Variants in FAM168A observed in about 807,000 individuals in gnomAD.
The protein encoded by FAM168A is protein FAM168A.
Under a neutral mutation model 28.5 loss-of-function variants are expected in FAM168A, and 3 were observed. The ratio of observed to expected loss-of-function variants is 0.11; its 90% CI spans 0.05 to 0.27. The LOEUF (loss-of-function observed/expected upper bound fraction) is 0.27, where lower values mean the gene tolerates loss of function less well. Among genes scored for constraint, FAM168A ranks in the 10% least tolerant of loss-of-function variants. The pLI is 1.00. For synonymous variants in FAM168A, 122 were observed against 124.2 expected, an observed-to-expected ratio of 0.98 and a Z score of 0.12; for missense variants, 222 against 311.5, an observed-to-expected ratio of 0.71 and a Z score of 2.16.
chr11:73,430,117 G>A (rs1331991881), intron 3 of FAM168A: 1 of 157,790 alleles, frequency 6.3e-6, no homozygotes, highest in African/African-American at 2.4e-5. Context: ...GCCCAAAATG[G>A]AATAAACCTT....
At chr11:73,575,592 G>A (rs73548693) in intron 1 of FAM168A, among the ~76,000 whole-genome samples, 11,648 of 152,184 alleles carry the variant, frequency 0.077, 547 homozygotes, top group Non-Finnish European at 0.11. Flanking sequence ...AGAAATGGCC[G>A]GGTGTGGTGG....
chr11:73,411,244 G>A (rs1866604564), intron 5 of FAM168A, 150 bp downstream of exon 5: 1 of 822,904 alleles, frequency 1.2e-6, no homozygotes. Context: ...GCAGACTGCA[G>A]GGATATTGCT....
chr11:73,470,107 T>C (rs531773943), intron 1 of FAM168A, among the ~76,000 whole-genome samples: 44 of 152,252 alleles, frequency 2.9e-4, no homozygotes, highest in Middle Eastern at 3.4e-3. Flanking sequence ...GACAGGGGTT[T>C]CACCGTGTTA....
Position 73,405,473 on chromosome 11 carries a change from A to T in FAM168A, c.*1290T>A, listed in dbSNP as rs1866488749. Reference sequence around the variant, plus strand: ...TAAGCAAGGTGCCCACTAGGTAGGAAGGCTGCATTTAATGCTAATTTACTG... The same window carrying T: ...TAAGCAAGGTGCCCACTAGGTAGGATGGCTGCATTTAATGCTAATTTACTG... On this transcript the variant is annotated 3_prime_UTR_variant, in exon 8 of 8. Transcript: ENST00000356467. The T allele has an allele frequency of 6.6e-6, 1 of 152,196 alleles. No individual in the cohort carries two copies. The highest frequency in any genetic ancestry group is 1.5e-5 in the Non-Finnish European group (1 of 68,030). 9.4% of individuals were successfully genotyped at this position (152,196 alleles called of 1,614,324 possible).
At chr11:73,538,227 G>A (rs1943606714) in intron 1 of FAM168A, among the ~76,000 whole-genome samples, 1 of 151,866 alleles carries the variant, frequency 6.6e-6, no homozygotes, top group African/African-American at 2.4e-5. Flanking sequence ...CTGCTGAATT[G>A]CATTATACTA....
At chr11:73,482,343 T>A (rs1867979423) in intron 1 of FAM168A, among the ~76,000 whole-genome samples, 1 of 151,852 alleles carries the variant, frequency 6.6e-6, no homozygotes, top group Non-Finnish European at 1.5e-5. Flanking sequence ...CCATAAATCA[T>A]CTTGATACTC....
chr11:73,590,582 C>T (rs1944369413), intron 1 of FAM168A, among the ~76,000 whole-genome samples: 1 of 152,144 alleles, frequency 6.6e-6, no homozygotes, highest in South Asian at 2.1e-4. Flanking sequence ...TTGTTGGTTT[C>T]CTTGGAGGAG....
chr11:73,474,494 G>C (rs1457729245), intron 1 of FAM168A, among the ~76,000 whole-genome samples: 2 of 151,990 alleles, frequency 1.3e-5, no homozygotes, highest in African/African-American at 4.8e-5. Flanking sequence ...CTCCTCAAAA[G>C]CCTGTTAAAC....
chr11:73,447,729 A>C (rs1867347749), intron 2 of FAM168A, among the ~76,000 whole-genome samples: 1 of 150,276 alleles, frequency 6.7e-6, no homozygotes, highest in Admixed American at 6.6e-5. Context: ...CTCCCTTTCT[A>C]ATCCCTCTCT....
intron 1 of FAM168A, among the ~76,000 whole-genome samples, chr11:73,533,433 C>T (rs1943539389): frequency 6.6e-6 from 1 of 152,074 alleles, no homozygotes; most frequent in South Asian, 2.1e-4. Context: ...GTCCCTAGGG[C>T]CTTACTCTTC....
At chr11:73,526,058 G>A (rs548339612) in intron 1 of FAM168A, among the ~76,000 whole-genome samples, 67 of 152,072 alleles carry the variant, frequency 4.4e-4, no homozygotes, top group African/African-American at 1.5e-3. Context: ...ATTTTCTTTG[G>A]TGCTCTAGGG....
chr11:73,462,879 A>AGAGAG (rs1367558470), intron 2 of FAM168A, among the ~76,000 whole-genome samples: 57 of 151,622 alleles, frequency 3.8e-4, no homozygotes, highest in African/African-American at 1.1e-3. Flanking sequence ...AGAGAAGAGA[A>AGAGAG]GAGAGGAGAG....
intron 1 of FAM168A, among the ~76,000 whole-genome samples, chr11:73,571,983 C>G (rs1236607046): frequency 6.6e-6 from 1 of 151,264 alleles, no homozygotes; most frequent in Non-Finnish European, 1.5e-5. Flanking sequence ...GCCCAGCCGC[C>G]CCGTCTGAGA....
chr11:73,484,823 G>A (rs1868032175), intron 1 of FAM168A, among the ~76,000 whole-genome samples: 1 of 151,470 alleles, frequency 6.6e-6, no homozygotes, highest in South Asian at 2.1e-4. Context: ...TGCAAGCTGA[G>A]GAGCAAGGAA....
chr11:73,413,605 G>C (rs1866652384), intron 4 of FAM168A, among the ~76,000 whole-genome samples: 1 of 152,202 alleles, frequency 6.6e-6, no homozygotes, highest in African/African-American at 2.4e-5. Context: ...AGATAAACCA[G>C]AGATAGACAT....
At chr11:73,541,372 C>T (rs76119277) in intron 1 of FAM168A, among the ~76,000 whole-genome samples, 1 of 142,854 alleles carries the variant, frequency 7.0e-6, no homozygotes, top group African/African-American at 2.6e-5. Context: ...GCCTAAACTT[C>T]TTTTTTTTTT....
intron 1 of FAM168A, among the ~76,000 whole-genome samples, chr11:73,556,180 A>G (rs1186569569): frequency 6.6e-6 from 1 of 151,332 alleles, no homozygotes; most frequent in Non-Finnish European, 1.5e-5. Flanking sequence ...CCCTGGTTCT[A>G]CCAAAAAAAA....
chr11:73,427,589 T>G (rs923844261), intron 3 of FAM168A, among the ~76,000 whole-genome samples: 3 of 152,148 alleles, frequency 2.0e-5, no homozygotes, highest in Non-Finnish European at 4.4e-5. Flanking sequence ...ATGTAACTTC[T>G]CTAAGCTTTA....
intron 1 of FAM168A, among the ~76,000 whole-genome samples, chr11:73,544,141 A>C (rs1398963678): frequency 6.6e-6 from 1 of 152,040 alleles, no homozygotes; most frequent in African/African-American, 2.4e-5. Flanking sequence ...CTTAAAAAAG[A>C]AAAAAAATAG....
Sources: allele counts gnomAD v4.1 joint callset (sites outside exome capture counted in the v4.1 genomes callset), GRCh38; gene constraint gnomAD v4.1.1; transcripts MANE v1.5; gene names NCBI Gene and HGNC (gene_info 2026-07-23, HGNC 2026-07-21).